CDC27: variants seen among roughly 807,000 people sequenced by gnomAD.
CDC27 encodes the protein cell division cycle protein 27 homolog.
CDC27 carries 27 observed loss-of-function variants against 109.7 expected under a neutral mutation model. The ratio of observed to expected loss-of-function variants is 0.25; its 90% CI spans 0.18 to 0.34. The LOEUF (loss-of-function observed/expected upper bound fraction) is 0.34, where lower values mean the gene tolerates loss of function less well. Among genes scored for constraint, CDC27 ranks in the 10% least tolerant of loss-of-function variants. The pLI is 1.00. For synonymous variants in CDC27, 266 were observed against 333.9 expected (o/e 0.80, Z 2.22); for missense variants, 579 against 960.2 (o/e 0.60, Z 5.25).
In CDC27 at chr17:47,132,165, A is replaced by G. The variant is rs186278072; in HGVS notation, c.2031+92T>C. On this transcript the variant is annotated intron_variant, in intron 15 of 18. Coordinates refer to ENST00000066544, the MANE Select transcript of CDC27 (RefSeq NM_001256.6). Reference sequence around the variant, plus strand: ...TCCAGAATACTGTTTCAACACAAAAAAGGACCAATTTTTATCACAGCAATT... The same window carrying G: ...TCCAGAATACTGTTTCAACACAAAAGAGGACCAATTTTTATCACAGCAATT... 3.4e-3 allele frequency: 2,327 copies of G among 682,634 alleles called. 14 individuals carry two copies. Among genetic ancestry groups the G allele is most frequent in the Middle Eastern group, 0.014 (49 of 3,536 alleles). The allele number at this position is 682,634 out of a possible 1,614,324, so 42.3% of individuals were successfully genotyped here.
In CDC27 at chr17:47,138,851, T is replaced by G. The variant is rs961087020; in HGVS notation, c.1592A>C (p.Tyr531Ser). The G allele has an allele frequency of 6.2e-7, 1 of 1,605,914 alleles. No homozygotes were observed. The highest frequency in any genetic ancestry group is 1.1e-5 in the South Asian group (1 of 90,404). The change falls in exon 13 of 19, where the codon TAT (tyrosine) becomes TCT (serine). Residue 531 changes from tyrosine to serine, a missense_variant. Tyr to Ser is a moderately radical substitution (Grantham distance 144). Coordinates refer to ENST00000066544, the MANE Select transcript of CDC27 (RefSeq NM_001256.6). ...IFSEVRRIEN[Y>S]RVEGMEIYST... ...GTAGATCTCCATGCCTTCAACTCTA[T>G]AATTCTCAATCCTTCTAACCTCTGA...
chr17:47,159,621 A>G (rs755932924), intron 4 of CDC27: 20 of 466,272 alleles, frequency 4.3e-5, no homozygotes, highest in Admixed American at 1.4e-4. Flanking sequence ...ATGGCCCTGC[A>G]GATGGCAGTG....
intron 7 of CDC27, among the ~76,000 whole-genome samples, chr17:47,156,451 A>G (rs1355750149): frequency 3.5e-5 from 5 of 142,354 alleles, no homozygotes; most frequent in Non-Finnish European, 6.1e-5. Flanking sequence ...CCAATATTCA[A>G]TATCAATTTT....
chr17:47,133,028 T>TACAC (rs71138587), intron 14 of CDC27, among the ~76,000 whole-genome samples: 1,583 of 29,568 alleles, frequency 0.054, 92 homozygotes, highest in Non-Finnish European at 0.057. Flanking sequence ...TATATATATA[T>TACAC]ACACACACAC....
At chr17:47,144,888 C>CA (rs1037915712) in intron 9 of CDC27, among the ~76,000 whole-genome samples, 1 of 151,838 alleles carries the variant, frequency 6.6e-6, no homozygotes, top group Non-Finnish European at 1.5e-5. Flanking sequence ...CACACACACA[C>CA]ACACATAAAT....
chr17:47,122,615 C>T lies in CDC27; in HGVS notation c.2236-15G>A. 31 of 1,554,004 alleles carry T rather than the reference C, an allele frequency of 2.0e-5. No individual in the cohort carries two copies. The highest frequency in any genetic ancestry group is 2.6e-5 in the Non-Finnish European group (30 of 1,148,382). ...TTCTTGTAAACCTAAAAATAAACAG[C>T]AGCACTACATTTTTCATTAAGTTGT... On this transcript the variant is annotated splice_polypyrimidine_tract_variant and intron_variant, in intron 17 of 18. Coordinates refer to ENST00000066544, the MANE Select transcript of CDC27 (RefSeq NM_001256.6).
chr17:47,147,395 T>A (rs2062996013), intron 9 of CDC27, among the ~76,000 whole-genome samples: 1 of 138,704 alleles, frequency 7.2e-6, no homozygotes. Flanking sequence ...CGAAACTCCG[T>A]CTCAAAAACA....
chr17:47,157,784 C>T (rs1195367073), intron 5 of CDC27, among the ~76,000 whole-genome samples: 1 of 152,144 alleles, frequency 6.6e-6, no homozygotes, highest in Admixed American at 6.6e-5. Flanking sequence ...TGCAACAATG[C>T]TGAAAAATGG....
At chr17:47,174,255 C>G (rs1206820618) in intron 2 of CDC27, among the ~76,000 whole-genome samples, 3 of 152,132 alleles carry the variant, frequency 2.0e-5, no homozygotes, top group Non-Finnish European at 4.4e-5. Context: ...TGGTAAGCAG[C>G]CATAAATCTA....
Position 47,169,891 on chromosome 17 carries a change from T to C in CDC27, c.377+26A>G, listed in dbSNP as rs139364321. The C allele has an allele frequency of 3.3e-4, 512 of 1,545,922 alleles. 3 individuals carry two copies. In the East Asian group the frequency reaches 0.011, roughly 34 times the overall value. On this transcript the variant is annotated intron_variant, in intron 4 of 18. Coordinates refer to ENST00000066544, the MANE Select transcript of CDC27 (RefSeq NM_001256.6). The stretch of plus-strand genomic sequence containing the variant: ...ACATACTTGTATGGAAATGCTTTTC[T>C]GACAGTTTGAATCATTCTTACTTAC...
At chr17:47,149,305 G>T (rs1219629625) in intron 9 of CDC27, among the ~76,000 whole-genome samples, 1 of 151,484 alleles carries the variant, frequency 6.6e-6, no homozygotes, top group Non-Finnish European at 1.5e-5. Flanking sequence ...AAGGTCAAGA[G>T]ATCGGGACCA....
intron 15 of CDC27, among the ~76,000 whole-genome samples, chr17:47,131,166 GA>G (rs997898722): frequency 3.3e-5 from 5 of 152,030 alleles, no homozygotes; most frequent in Non-Finnish European, 7.4e-5. Context: ...AAGTTCAGAA[GA>G]ATTCCTATTT....
At chr17:47,181,471 A>C in intron 2 of CDC27, 91 bp downstream of exon 2, 1 of 670,118 alleles carries the variant, frequency 1.5e-6, no homozygotes, top group Non-Finnish European at 2.6e-6. Flanking sequence ...CAAGATGATG[A>C]TAGCTAGAAT....
chr17:47,137,121 G>A (rs376084191), intron 14 of CDC27, 31 bp downstream of exon 14: 13 of 1,363,534 alleles, frequency 9.5e-6, no homozygotes, highest in East Asian at 4.8e-5. Flanking sequence ...CCATCAATAC[G>A]ACTTTGTCTT....
chr17:47,177,484 G>T (rs1422417352), intron 2 of CDC27, among the ~76,000 whole-genome samples: 1 of 152,194 alleles, frequency 6.6e-6, no homozygotes, highest in African/African-American at 2.4e-5. Flanking sequence ...GGCTGATGCA[G>T]GAGAATTGCC....
rs140682760 is a variant in CDC27, at chr17:47,182,944, T to C, written c.28-1307A>G. 5.4e-4 allele frequency among the ~76,000 whole-genome samples: 82 copies of C among 152,194 alleles called. No homozygotes were observed. The East Asian group carries it at 8.7e-3, about 16-fold the overall frequency. On this transcript the variant is annotated intron_variant, in intron 1 of 18. Transcript: ENST00000066544. Reference sequence around the variant, plus strand: ...AGAAGGCTGAGCTGGGAAGACTGCTTGAGTCCAGGAGTTCAAGGCTATGAT... The same window carrying C: ...AGAAGGCTGAGCTGGGAAGACTGCTCGAGTCCAGGAGTTCAAGGCTATGAT...
intron 10 of CDC27, among the ~76,000 whole-genome samples, chr17:47,142,641 T>C (rs1405515518): frequency 6.6e-6 from 1 of 152,192 alleles, no homozygotes; most frequent in African/African-American, 2.4e-5. Context: ...CATTAACTAA[T>C]AGTGACTAAG....
intron 2 of CDC27, among the ~76,000 whole-genome samples, chr17:47,174,885 G>A (rs753989096): frequency 6.6e-5 from 10 of 152,118 alleles, no homozygotes; most frequent in Non-Finnish European, 1.3e-4. Flanking sequence ...AAACCCGGGA[G>A]GCAGTGGTTG....
chr17:47,118,848 C>T lies in CDC27; in HGVS notation c.*2087G>A, dbSNP rs1004619478. 6.6e-6 allele frequency: 1 copy of T among 152,202 alleles called. No individual in the cohort carries two copies. Among genetic ancestry groups the T allele is most frequent in the African/African-American group, 2.4e-5 (1 of 41,450 alleles). The allele number at this position is 152,202 out of a possible 1,614,324, so 9.4% of individuals were successfully genotyped here. A position where few individuals can be genotyped will look rare whatever the true frequency, so the allele number is the denominator to read the frequency against. ...ATGAGGAAAAATAAAATAGGCCAAGCTTGGGCGGAAACTGTCCCCCAACCA... is the reference window on the plus strand; with the variant it reads ...ATGAGGAAAAATAAAATAGGCCAAGTTTGGGCGGAAACTGTCCCCCAACCA... On this transcript the variant is annotated 3_prime_UTR_variant, in exon 19 of 19. Coordinates refer to ENST00000066544, the MANE Select transcript of CDC27 (RefSeq NM_001256.6).
Sources: allele counts gnomAD v4.1 joint callset (sites outside exome capture counted in the v4.1 genomes callset), GRCh38; gene constraint gnomAD v4.1.1; transcripts MANE v1.5; gene names NCBI Gene and HGNC (gene_info 2026-07-23, HGNC 2026-07-21).